OR2H1: variants seen among roughly 807,000 people sequenced by gnomAD.
The protein encoded by OR2H1 is olfactory receptor 2H1.
For synonymous variants in OR2H1, 155 were observed against 155.2 expected (o/e 1.00, Z 0.01); for missense variants, 380 against 367.3 (o/e 1.03, Z -0.28).
chr6:29,461,912 T>C lies in OR2H1; in HGVS notation c.143T>C (p.Val48Ala). The change falls in exon 4 of 4, where the codon GTA becomes GCA. Residue 48 changes from valine to alanine, a missense_variant. Transcript: ENST00000377133. ...VGNTLIILLSVLYPRLHSPMY... is the reference protein window; with the variant it reads ...VGNTLIILLSALYPRLHSPMY... ...AACACACTCATCATCCTGCTGTCTG[T>C]ACTGTACCCCAGGCTCCACTCTCCA... 6.2e-7 allele frequency: 1 copy of C among 1,613,130 alleles called. No individual in the cohort carries two copies. The highest frequency in any genetic ancestry group is 8.5e-7 in the Non-Finnish European group (1 of 1,180,022).
rs149627210 is a variant in OR2H1, at chr6:29,459,208, A to G, written c.-327+639A>G. Reference sequence around the variant, plus strand: ...GGACAATTGCTGAGACACAAAAGATATGAGGCTGCAAAGTTTAAAAAGGAA... The same window carrying G: ...GGACAATTGCTGAGACACAAAAGATGTGAGGCTGCAAAGTTTAAAAAGGAA... On this transcript the variant is annotated intron_variant, in intron 2 of 3. Coordinates refer to ENST00000377133, the MANE Select transcript of OR2H1 (RefSeq NM_030883.5). Among the ~76,000 whole-genome samples, 373 of 152,318 alleles carry G rather than the reference A, an allele frequency of 2.4e-3. 4 individuals carry two copies. The highest frequency in any genetic ancestry group is 7.8e-3 in the African/African-American group (326 of 41,558).
At position 29,462,457 on chromosome 6, in the gene OR2H1, A is replaced by G; in HGVS notation, c.688A>G (p.Thr230Ala). Residue 230 changes from threonine (T) to alanine (A), a missense_variant, in exon 4 of 4, where the codon ACA becomes GCA. Thr to Ala is a moderately conservative substitution (Grantham distance 58). Coordinates refer to ENST00000377133, the MANE Select transcript of OR2H1 (RefSeq NM_030883.5). Reference protein sequence around the residue: ...AQAVLRINSATAWRKAFGTCS... With the variant: ...AQAVLRINSAAAWRKAFGTCS... ...GGCAGTGCTGAGGATTAACTCTGCC[A>G]CAGCATGGAGAAAGGCCTTTGGGAC... 1 of 1,613,108 alleles carries G rather than the reference A, an allele frequency of 6.2e-7. No homozygotes were observed. The highest frequency in any genetic ancestry group is 1.1e-5 in the South Asian group (1 of 91,082).
chr6:29,462,567 A>G lies in OR2H1; in HGVS notation c.798A>G (p.Gln266=), dbSNP rs17177681. Residue 266 remains glutamine, a synonymous_variant, in exon 4 of 4, where the codon CAA becomes CAG. Coordinates refer to ENST00000377133, the MANE Select transcript of OR2H1 (RefSeq NM_030883.5). ...TCCAGCCCAAAAATCCGTATGCCCA[A>G]GGGAGGGGCAAGTTCTTTGGTCTCT... is the stretch of plus-strand genomic sequence containing the variant. ...VYLQPKNPYA[Q]GRGKFFGLFY... 3.7e-6 allele frequency: 6 copies of G among 1,612,994 alleles called. No individual in the cohort carries two copies. Among genetic ancestry groups the G allele is most frequent in the Non-Finnish European group, 5.1e-6 (6 of 1,180,030 alleles).
chr6:29,460,477 C>G (rs1787123438), intron 3 of OR2H1, 23 bp downstream of exon 3: 2 of 151,186 alleles, frequency 1.3e-5, no homozygotes, highest in South Asian at 2.1e-4. Context: ...CCTCAGCCTC[C>G]CAAAGTGCTG....
In OR2H1 at chr6:29,462,528, C is replaced by G. The variant is rs538322163; in HGVS notation, c.759C>G (p.Val253=). 5 of 1,613,018 alleles carry G rather than the reference C, an allele frequency of 3.1e-6. No individual in the cohort carries two copies. Among genetic ancestry groups the G allele is most frequent in the Non-Finnish European group, 4.2e-6 (5 of 1,180,020 alleles). ...LTVVTLFYSS[V]IAVYLQPKNP... Reference sequence around the variant, plus strand: ...TGGTCACCCTCTTCTACAGCTCAGTCATTGCTGTCTACCTCCAGCCCAAAA... The same window carrying G: ...TGGTCACCCTCTTCTACAGCTCAGTGATTGCTGTCTACCTCCAGCCCAAAA... The change falls in exon 4 of 4, where the codon GTC becomes GTG. Residue 253 remains valine, a synonymous_variant. Transcript: ENST00000377133.
intron 2 of OR2H1, among the ~76,000 whole-genome samples, chr6:29,458,969 G>A (rs1317260051): frequency 6.6e-6 from 1 of 152,166 alleles, no homozygotes; most frequent in Admixed American, 6.5e-5. Context: ...TGGGATGTAG[G>A]GAAAGTAGTG....
chr6:29,462,090 C>T lies in OR2H1; in HGVS notation c.321C>T (p.Thr107=). The change falls in exon 4 of 4, where the codon ACC becomes ACT. Residue 107 remains threonine, a synonymous_variant. Transcript: ENST00000377133. The part of the protein sequence containing the change: ...VQLFIFLSLG[T]TECILLTVMA... ...TCTTCATCTTCCTGTCCCTGGGGAC[C>T]ACTGAGTGCATCCTCCTGACAGTGA... 1.2e-6 allele frequency: 2 copies of T among 1,613,678 alleles called. No homozygotes were observed. The highest frequency in any genetic ancestry group is 8.5e-7 in the Non-Finnish European group (1 of 1,180,022).
At position 29,462,292 on chromosome 6, in the gene OR2H1, T is replaced by A. The variant is rs149955021; in HGVS notation, c.523T>A (p.Phe175Ile). 2.2e-5 allele frequency: 35 copies of A among 1,613,130 alleles called. No individual in the cohort carries two copies. The highest frequency in any genetic ancestry group is 2.8e-5 in the Non-Finnish European group (33 of 1,180,058). Residue 175 changes from phenylalanine (F) to isoleucine (I), a missense_variant, in exon 4 of 4, where the codon TTT becomes ATT. Phe to Ile is a conservative substitution (Grantham distance 21). Transcript: ENST00000377133. ...PFCPHQQIDD[F>I]LCEVPSLIRL... ...CTGTCCCCACCAGCAGATAGATGAC[T>A]TTTTATGTGAGGTCCCATCTCTGAT... is the stretch of plus-strand genomic sequence containing the variant.
intron 3 of OR2H1, 121 bp downstream of exon 3, chr6:29,460,575 C>CT (rs1787134538): frequency 6.6e-6 from 1 of 151,488 alleles, no homozygotes; most frequent in East Asian, 1.9e-4. Flanking sequence ...TGTTTTTACA[C>CT]TAAAAAAAAA....
Position 29,462,367 on chromosome 6 carries a change from T to G in OR2H1, c.598T>G (p.Ser200Ala). The change falls in exon 4 of 4, where the codon TCC becomes GCC. Residue 200 changes from serine (S) to alanine (A), a missense_variant. Coordinates refer to ENST00000377133, the MANE Select transcript of OR2H1 (RefSeq NM_030883.5). Reference sequence around the variant, plus strand: ...CTACAATGAAATCCAGTTGGCTGTGTCCAGTGTCATCTTCGTGGTTGTGCC... The same window carrying G: ...CTACAATGAAATCCAGTTGGCTGTGGCCAGTGTCATCTTCGTGGTTGTGCC... The part of the protein sequence containing the change: ...TSYNEIQLAV[S>A]SVIFVVVPLS... 1.2e-6 allele frequency: 2 copies of G among 1,613,128 alleles called. No homozygotes were observed. Among genetic ancestry groups the G allele is most frequent in the African/African-American group, 2.7e-5 (2 of 75,048 alleles).
intron 3 of OR2H1, 26 bp downstream of exon 3, chr6:29,460,480 A>C (rs1400603482): frequency 6.7e-6 from 1 of 149,668 alleles, no homozygotes; most frequent in Non-Finnish European, 1.5e-5. Flanking sequence ...CAGCCTCCCA[A>C]AGTGCTGGGA....
At position 29,463,484 on chromosome 6, in the gene OR2H1, C is replaced by G. The variant is rs915864239; in HGVS notation, c.*764C>G. 3.0e-5 allele frequency: 5 copies of G among 166,904 alleles called. No individual in the cohort carries two copies. The highest frequency in any genetic ancestry group is 9.7e-5 in the African/African-American group (4 of 41,440). The allele number at this position is 166,904 out of a possible 1,614,324, so 10.3% of individuals were successfully genotyped here. ...CCTTTTTGGTGTGTAGGACAAGGAG[C>G]CAGGGAATTGGCACGTTTGGCTTTT... On this transcript the variant is annotated 3_prime_UTR_variant, in exon 4 of 4. Transcript: ENST00000377133.
chr6:29,462,094 G>A lies in OR2H1; in HGVS notation c.325G>A (p.Glu109Lys). 1.2e-6 allele frequency: 2 copies of A among 1,613,674 alleles called. No individual in the cohort carries two copies. Among genetic ancestry groups the A allele is most frequent in the Non-Finnish European group, 1.7e-6 (2 of 1,180,020 alleles). ...CATCTTCCTGTCCCTGGGGACCACTGAGTGCATCCTCCTGACAGTGATGGC... is the reference window on the plus strand; with the variant it reads ...CATCTTCCTGTCCCTGGGGACCACTAAGTGCATCCTCCTGACAGTGATGGC... ...LFIFLSLGTT[E>K]CILLTVMAFD... is the part of the protein sequence containing the mutation. Residue 109 changes from glutamate (E) to lysine (K), a missense_variant, in exon 4 of 4, where the codon GAG becomes AAG. By Grantham distance (56) the Glu-to-Lys change is moderately conservative. Coordinates refer to ENST00000377133, the MANE Select transcript of OR2H1 (RefSeq NM_030883.5).
At chr6:29,458,285 T>C (rs1283107111) in intron 1 of OR2H1, among the ~76,000 whole-genome samples, 169 bp from the exon 2 acceptor site, 1 of 152,194 alleles carries the variant, frequency 6.6e-6, no homozygotes, top group East Asian at 1.9e-4. Context: ...ATGTCTTCAA[T>C]TATTGATCTG....
In OR2H1 at chr6:29,462,522, C is replaced by T. The variant is rs1168960435; in HGVS notation, c.753C>T (p.Ser251=). ...SHLTVVTLFY[S]SVIAVYLQPK... Reference sequence around the variant, plus strand: ...TCACTGTGGTCACCCTCTTCTACAGCTCAGTCATTGCTGTCTACCTCCAGC... The same window carrying T: ...TCACTGTGGTCACCCTCTTCTACAGTTCAGTCATTGCTGTCTACCTCCAGC... The change falls in exon 4 of 4, where the codon AGC becomes AGT. Residue 251 remains serine, a synonymous_variant. Transcript: ENST00000377133. The T allele has an allele frequency of 1.2e-6, 2 of 1,613,066 alleles. No individual in the cohort carries two copies. Among genetic ancestry groups the T allele is most frequent in the Admixed American group, 1.7e-5 (1 of 60,024 alleles).
Position 29,461,538 on chromosome 6 carries a change from C to G in OR2H1, c.-232C>G. On this transcript the variant is annotated 5_prime_UTR_variant, in exon 4 of 4. Coordinates refer to ENST00000377133, the MANE Select transcript of OR2H1 (RefSeq NM_030883.5). ...GTGAGGTTCCACCTGCTTTCCAGCA[C>G]ATTCTTGGTTTCCTCACTTCTGCTA... 1 of 489,700 alleles carries G rather than the reference C, an allele frequency of 2.0e-6. No homozygotes were observed. The highest frequency in any genetic ancestry group is 4.7e-5 in the South Asian group (1 of 21,336). The allele number at this position is 489,700 out of a possible 1,614,324, so 30.3% of individuals were successfully genotyped here. A position where few individuals can be genotyped will look rare whatever the true frequency, so the allele number is the denominator to read the frequency against.
Position 29,462,758 on chromosome 6 carries a change from A to G in OR2H1, c.*38A>G. On this transcript the variant is annotated 3_prime_UTR_variant, in exon 4 of 4. Transcript: ENST00000377133. ...AGTAAGAAGAGTTTCTTCAAGATTT[A>G]TGAACATGTTAAGTTTTCCAGACTA... is the stretch of plus-strand genomic sequence containing the variant. 6.6e-7 allele frequency: 1 copy of G among 1,510,566 alleles called. No individual in the cohort carries two copies. The highest frequency in any genetic ancestry group is 1.2e-5 in the South Asian group (1 of 83,670). The allele number at this position is 1,510,566 out of a possible 1,614,324, so 93.6% of individuals were successfully genotyped here. A position where few individuals can be genotyped will look rare whatever the true frequency, so the allele number is the denominator to read the frequency against.
intron 1 of OR2H1, among the ~76,000 whole-genome samples, chr6:29,457,927 G>A (rs568509252): frequency 6.6e-6 from 1 of 152,260 alleles, no homozygotes; most frequent in East Asian, 1.9e-4. Flanking sequence ...ACCATTAGTA[G>A]CTGTGGCCAA....
Position 29,462,509 on chromosome 6 carries a change from C to G in OR2H1, c.740C>G (p.Thr247Ser). ...TGCTCCTCCCATCTCACTGTGGTCACCCTCTTCTACAGCTCAGTCATTGCT... is the reference window on the plus strand; with the variant it reads ...TGCTCCTCCCATCTCACTGTGGTCAGCCTCTTCTACAGCTCAGTCATTGCT... ...GTCSSHLTVV[T>S]LFYSSVIAVY... The change falls in exon 4 of 4, where the codon ACC becomes AGC. Residue 247 changes from threonine (T) to serine (S), a missense_variant. By Grantham distance (58) the Thr-to-Ser change is moderately conservative. Transcript: ENST00000377133. 1 of 1,613,108 alleles carries G rather than the reference C, an allele frequency of 6.2e-7. No individual in the cohort carries two copies. The highest frequency in any genetic ancestry group is 1.1e-5 in the South Asian group (1 of 91,082).
Sources: allele counts gnomAD v4.1 joint callset (sites outside exome capture counted in the v4.1 genomes callset), GRCh38; gene constraint gnomAD v4.1.1; transcripts MANE v1.5; gene names NCBI Gene and HGNC (gene_info 2026-07-23, HGNC 2026-07-21).